Variants in ST6GALNAC5 observed in about 807,000 individuals in gnomAD.
ST6GALNAC5 encodes alpha-N-acetylgalactosaminide alpha-2,6-sialyltransferase 5.
ST6GALNAC5 carries 27 observed loss-of-function variants against 33.6 expected under a neutral mutation model. That is an observed-to-expected ratio of 0.80 (90% CI 0.59 to 1.11). ST6GALNAC5 has a LOEUF of 1.11. Among genes scored for constraint, ST6GALNAC5 ranks in the 50% least tolerant of loss-of-function variants. ST6GALNAC5 has a pLI of 0.00. For synonymous variants in ST6GALNAC5, 194 were observed against 171.2 expected (o/e 1.13, Z -1.04); for missense variants, 428 against 454.0 (o/e 0.94, Z 0.52).
intron 2 of ST6GALNAC5, among the ~76,000 whole-genome samples, chr1:76,990,587 AG>A (rs1649685092): frequency 6.6e-6 from 1 of 152,166 alleles, no homozygotes; most frequent in Non-Finnish European, 1.5e-5. Context: ...CTATGAAAGA[AG>A]GCAGCCTGTG....
At chr1:76,892,707 G>A (rs1273754007) in intron 2 of ST6GALNAC5, among the ~76,000 whole-genome samples, 3 of 152,148 alleles carry the variant, frequency 2.0e-5, no homozygotes, top group African/African-American at 4.8e-5. Flanking sequence ...AGGAAATTTG[G>A]GAAAGAAGAA....
intron 2 of ST6GALNAC5, among the ~76,000 whole-genome samples, chr1:76,978,139 C>T (rs573989268): frequency 6.6e-6 from 1 of 152,138 alleles, no homozygotes; most frequent in Admixed American, 6.5e-5. Flanking sequence ...TGAGAAACAT[C>T]TCTTCAAGTC....
intron 2 of ST6GALNAC5, among the ~76,000 whole-genome samples, chr1:76,949,117 C>T (rs1407802947): frequency 6.6e-6 from 1 of 152,142 alleles, no homozygotes; most frequent in African/African-American, 2.4e-5. Context: ...TGTGCTCAGC[C>T]ACACATCACA....
intron 2 of ST6GALNAC5, among the ~76,000 whole-genome samples, chr1:76,909,982 A>C (rs1275949193): frequency 1.3e-5 from 2 of 152,104 alleles, no homozygotes; most frequent in African/African-American, 4.8e-5. Flanking sequence ...TTCTGTAGTC[A>C]TAATATGCTT....
intron 2 of ST6GALNAC5, among the ~76,000 whole-genome samples, chr1:76,975,749 T>C (rs1452081017): frequency 6.6e-6 from 1 of 152,216 alleles, no homozygotes; most frequent in Non-Finnish European, 1.5e-5. Context: ...GGAATGCGTA[T>C]TTTAAGGAAA....
At chr1:76,874,522 G>A (rs1053743073) in intron 2 of ST6GALNAC5, among the ~76,000 whole-genome samples, 1 of 152,154 alleles carries the variant, frequency 6.6e-6, no homozygotes, top group African/African-American at 2.4e-5. Flanking sequence ...AGCAAGGAGA[G>A]TCAGTCTAAG....
rs1472573504 is a variant in ST6GALNAC5, at chr1:77,044,245, C to T, written c.303C>T (p.Ser101=). 2 of 1,613,390 alleles carry T rather than the reference C, an allele frequency of 1.2e-6. No individual in the cohort carries two copies. The highest frequency in any genetic ancestry group is 1.1e-5 in the South Asian group (1 of 90,954). Residue 101 remains serine (S), a synonymous_variant, in exon 3 of 5, where the codon AGC becomes AGT. Transcript: ENST00000477717. ...GCAGGGACTGTGCCCTGGTGACCAG[C>T]TCAGGGCATCTGCTGCACAGTCGGC... ...MHCRDCALVT[S]SGHLLHSRQG... is the part of the protein sequence containing the mutation.
intron 2 of ST6GALNAC5, among the ~76,000 whole-genome samples, chr1:76,938,937 C>A (rs1025079596): frequency 6.6e-6 from 1 of 152,080 alleles, no homozygotes; most frequent in Non-Finnish European, 1.5e-5. Context: ...CATTCGAATT[C>A]CACAGCTAAT....
rs371902800 is a variant in ST6GALNAC5, at chr1:76,867,875, C to A, written c.15+185C>A. On this transcript the variant is annotated intron_variant, in intron 1 of 4. Transcript: ENST00000477717. ...CTCCAGCTCTGCCTGGCTCGGAATC[C>A]CAGAGCCAGGATGGGAACTCGGGGT... Among the ~76,000 whole-genome samples, 55 of 152,190 alleles carry A rather than the reference C, an allele frequency of 3.6e-4. No homozygotes were observed. In the East Asian group the frequency reaches 8.0e-3, roughly 22 times the overall value.
chr1:76,925,781 C>T (rs56899099), intron 2 of ST6GALNAC5, among the ~76,000 whole-genome samples: 5,471 of 152,084 alleles, frequency 0.036, 339 homozygotes, highest in African/African-American at 0.13. Flanking sequence ...ATACAAATTT[C>T]CTTTTCAAAG....
At chr1:76,922,302 CA>C (rs952408722) in intron 2 of ST6GALNAC5, among the ~76,000 whole-genome samples, 2 of 151,904 alleles carry the variant, frequency 1.3e-5, no homozygotes, top group African/African-American at 2.4e-5. Context: ...ATAAACCTAA[CA>C]AAAAAATGTA....
chr1:77,025,946 C>G (rs1250640580), intron 2 of ST6GALNAC5, among the ~76,000 whole-genome samples: 1 of 152,182 alleles, frequency 6.6e-6, no homozygotes, highest in South Asian at 2.1e-4. Flanking sequence ...GGCCCAGCCT[C>G]GTCCAAGGCT....
rs371241849 is a variant in ST6GALNAC5 at position 76,984,146 on chromosome 1, A to G, written c.262-60058A>G. Reference sequence around the variant, plus strand: ...CAAATTAAAATGCTAGCAGAAGGCAAGAAATAACTAAGATCAGAGCAGCAC... The same window carrying G: ...CAAATTAAAATGCTAGCAGAAGGCAGGAAATAACTAAGATCAGAGCAGCAC... On this transcript the variant is annotated intron_variant, in intron 2 of 4. Transcript: ENST00000477717. 4.6e-4 allele frequency among the ~76,000 whole-genome samples: 70 copies of G among 152,370 alleles called. No individual in the cohort carries two copies. In the Middle Eastern group the frequency reaches 0.014, roughly 30 times the overall value.
chr1:76,951,853 C>A (rs1647762230), intron 2 of ST6GALNAC5, among the ~76,000 whole-genome samples: 1 of 151,986 alleles, frequency 6.6e-6, no homozygotes, highest in Non-Finnish European at 1.5e-5. Flanking sequence ...CCTATGGGTG[C>A]AACTGATGAA....
chr1:76,895,153 G>A (rs1274965516), intron 2 of ST6GALNAC5, among the ~76,000 whole-genome samples: 5 of 152,170 alleles, frequency 3.3e-5, no homozygotes, highest in Non-Finnish European at 5.9e-5. Context: ...GCAGGAACCG[G>A]CCATCTGGAT....
intron 2 of ST6GALNAC5, among the ~76,000 whole-genome samples, chr1:76,903,103 A>G (rs1176628912): frequency 6.6e-6 from 1 of 152,172 alleles, no homozygotes; most frequent in Non-Finnish European, 1.5e-5. Flanking sequence ...TAAAAAAACA[A>G]CCCATGGAAT....
intron 2 of ST6GALNAC5, among the ~76,000 whole-genome samples, chr1:76,969,142 T>C (rs1015781820): frequency 6.6e-6 from 1 of 152,072 alleles, no homozygotes; most frequent in African/African-American, 2.4e-5. Context: ...CCAACTGAGG[T>C]TCCTGGTTCA....
chr1:76,943,539 G>T (rs756801854), intron 2 of ST6GALNAC5, among the ~76,000 whole-genome samples: 1 of 152,048 alleles, frequency 6.6e-6, no homozygotes, highest in Non-Finnish European at 1.5e-5. Flanking sequence ...GCACATTTAC[G>T]TGAGTTAAGA....
intron 2 of ST6GALNAC5, among the ~76,000 whole-genome samples, chr1:77,000,334 G>C (rs1486849390): frequency 1.6e-5 from 2 of 126,164 alleles, no homozygotes; most frequent in Non-Finnish European, 3.7e-5. Flanking sequence ...TTTTCGATGG[G>C]GTTGTTTATT....
Sources: gnomAD v4.1 joint callset for allele counts (sites outside exome capture counted in the v4.1 genomes callset) on GRCh38, gnomAD v4.1.1 for gene constraint, MANE v1.5 for transcripts, NCBI Gene and HGNC (gene_info 2026-07-23, HGNC 2026-07-21) for gene names.